The following MACROD1 variants were observed in gnomAD, a reference collection of about 807,000 sequenced individuals.
MACROD1 encodes the protein ADP-ribose glycohydrolase MACROD1.
Under a neutral mutation model 41.4 loss-of-function variants are expected in MACROD1, and 31 were observed. The observed-to-expected ratio is 0.75, with a 90% CI of 0.56 to 1.01. The LOEUF (loss-of-function observed/expected upper bound fraction) is 1.01. MACROD1 is among the 50% of genes least tolerant of loss of function. The probability of loss-of-function intolerance (pLI) is 0.00; values close to 1 mark genes in which losing one functional copy is unlikely to be tolerated. For synonymous variants in MACROD1, 252 were observed against 203.4 expected (o/e 1.24, Z -2.03); for missense variants, 473 against 460.0 (o/e 1.03, Z -0.26).
chr11:64,010,264 T>G (rs1942984543), intron 4 of MACROD1, among the ~76,000 whole-genome samples: 2 of 143,580 alleles, frequency 1.4e-5, no homozygotes, highest in Non-Finnish European at 3.0e-5. Flanking sequence ...CTGGCTGGCA[T>G]GTTGGTTGGG....
intron 3 of MACROD1, among the ~76,000 whole-genome samples, chr11:64,060,937 C>G (rs1004639482): frequency 6.6e-6 from 1 of 151,322 alleles, no homozygotes; most frequent in East Asian, 2.0e-4. Context: ...GCATGCGCAC[C>G]GCGGCGGCGG....
chr11:64,146,384 T>G lies in MACROD1; in HGVS notation c.517+4855A>C, dbSNP rs1945495808. 6.6e-6 allele frequency among the ~76,000 whole-genome samples: 1 copy of G among 152,190 alleles called. No individual in the cohort carries two copies. The highest frequency in any genetic ancestry group is 2.4e-5 in the African/African-American group (1 of 41,438). On this transcript the variant is annotated intron_variant, in intron 3 of 10. Coordinates refer to ENST00000255681, the MANE Select transcript of MACROD1 (RefSeq NM_014067.4). The surrounding 1 kb of genome is among the most constrained non-coding windows in gnomAD (Gnocchi z 4.7). ...GAAGAGGGGGCCTGCGGGGGCTCCC[T>G]GGCTTATCTCCTGCACATGGCAGCC...
In MACROD1 at chr11:64,120,420, C is replaced by T. The variant is rs1439313615; in HGVS notation, c.517+30819G>A. 6.6e-6 allele frequency among the ~76,000 whole-genome samples: 1 copy of T among 152,242 alleles called. No individual in the cohort carries two copies. Among genetic ancestry groups the T allele is most frequent in the Non-Finnish European group, 1.5e-5 (1 of 68,044 alleles). On this transcript the variant is annotated intron_variant, in intron 3 of 10. Transcript: ENST00000255681. The surrounding 1 kb of genome is among the most constrained non-coding windows in gnomAD (Gnocchi z 4.5). ...GGCAGCCCCAGGCCGGGTGCAGTGG[C>T]TCACGCCTGTAATCCCAGCACTTTG... is the stretch of plus-strand genomic sequence containing the variant.
At chr11:64,129,931 G>T (rs1024554568) in intron 3 of MACROD1, among the ~76,000 whole-genome samples, 3 of 152,244 alleles carry the variant, frequency 2.0e-5, no homozygotes, top group Middle Eastern at 6.8e-3. Context: ...GAAGAGGACC[G>T]GGTGGTTGGG....
At chr11:64,058,694 A>G (rs1943839210) in intron 3 of MACROD1, among the ~76,000 whole-genome samples, 1 of 152,202 alleles carries the variant, frequency 6.6e-6, no homozygotes, top group Non-Finnish European at 1.5e-5. Context: ...GCAACCGCTC[A>G]TTTCCTGCTC....
chr11:64,162,316 C>G (rs961092211), intron 1 of MACROD1, among the ~76,000 whole-genome samples: 1 of 151,942 alleles, frequency 6.6e-6, no homozygotes. Flanking sequence ...TGCACTCCAG[C>G]GTGGGCAACA....
intron 3 of MACROD1, among the ~76,000 whole-genome samples, chr11:64,115,753 G>A (rs1429726394): frequency 1.3e-5 from 2 of 152,130 alleles, no homozygotes; most frequent in African/African-American, 2.4e-5. Flanking sequence ...CGTGCTCCTC[G>A]TGCAGTGCCA....
At chr11:64,051,502 G>A (rs1590841351) in intron 3 of MACROD1, among the ~76,000 whole-genome samples, 2 of 152,268 alleles carry the variant, frequency 1.3e-5, no homozygotes, top group South Asian at 4.1e-4. Flanking sequence ...CGGAAGCCTC[G>A]CTCCTGGCTC....
At chr11:64,103,838 C>T (rs565432359) in intron 3 of MACROD1, 3 of 152,400 alleles carry the variant, frequency 2.0e-5, no homozygotes, top group South Asian at 2.1e-4. Flanking sequence ...CCCTTGCACA[C>T]AGGACCCTCA....
chr11:64,000,783 G>C (rs1459588366), intron 4 of MACROD1, among the ~76,000 whole-genome samples: 1 of 152,146 alleles, frequency 6.6e-6, no homozygotes, highest in African/African-American at 2.4e-5. Flanking sequence ...GCCTCCGCCC[G>C]GGCCTCAGCG....
At chr11:64,049,830 G>A (rs1205619886) in intron 3 of MACROD1, among the ~76,000 whole-genome samples, 1 of 152,174 alleles carries the variant, frequency 6.6e-6, no homozygotes. Flanking sequence ...CTGCTTGCTA[G>A]GGCTGGGGCC....
intron 3 of MACROD1, among the ~76,000 whole-genome samples, chr11:64,091,569 G>A (rs1017424665): frequency 1.3e-5 from 2 of 152,130 alleles, no homozygotes; most frequent in African/African-American, 4.8e-5. Context: ...AGTCCTTCGG[G>A]CGTTTGCACA....
Position 64,082,333 on chromosome 11 carries a change from G to T in MACROD1, c.518-67052C>A, listed in dbSNP as rs1211928117. 2.6e-5 allele frequency among the ~76,000 whole-genome samples: 4 copies of T among 152,082 alleles called. No homozygotes were observed. The highest frequency in any genetic ancestry group is 5.9e-5 in the Non-Finnish European group (4 of 67,992). On this transcript the variant is annotated intron_variant, in intron 3 of 10. Coordinates refer to ENST00000255681, the MANE Select transcript of MACROD1 (RefSeq NM_014067.4). The surrounding 1 kb of genome is among the most constrained non-coding windows in gnomAD (Gnocchi z 4.5). ...GAGACGCTGGGTGGAGGATGATCCGGGGGGACCGTGGAAGGCAGGACGGGG... is the reference window on the plus strand; with the variant it reads ...GAGACGCTGGGTGGAGGATGATCCGTGGGGACCGTGGAAGGCAGGACGGGG...
intron 3 of MACROD1, among the ~76,000 whole-genome samples, chr11:64,147,383 TTTTC>T (rs750847342): frequency 6.7e-6 from 1 of 148,220 alleles, no homozygotes. Flanking sequence ...CAGAGTCTGA[TTTTC>T]TTTCTTTCTT....
chr11:64,136,911 CG>C (rs1945341142), intron 3 of MACROD1, among the ~76,000 whole-genome samples: 1 of 152,124 alleles, frequency 6.6e-6, no homozygotes, highest in African/African-American at 2.4e-5. Flanking sequence ...TGCCAGCCCC[CG>C]GGAGCAGCGG....
At chr11:64,065,289 C>T (rs887083215) in intron 3 of MACROD1, among the ~76,000 whole-genome samples, 20 of 152,086 alleles carry the variant, frequency 1.3e-4, no homozygotes, top group African/African-American at 4.6e-4. Context: ...GGGCAGGTGG[C>T]GGGCAAGCGT....
chr11:64,043,814 C>CTT (rs113497225), intron 3 of MACROD1, among the ~76,000 whole-genome samples: 95 of 144,554 alleles, frequency 6.6e-4, no homozygotes, highest in African/African-American at 1.5e-3. Flanking sequence ...GACATGGCAT[C>CTT]TTTTTTTTTT....
intron 3 of MACROD1, among the ~76,000 whole-genome samples, chr11:64,147,251 T>G (rs4559692): frequency 6.6e-6 from 1 of 151,856 alleles, no homozygotes; most frequent in African/African-American, 2.4e-5. Context: ...ATTTTTTTTT[T>G]GGTAGAGATA....
At chr11:64,135,612 G>C (rs1399319614) in intron 3 of MACROD1, among the ~76,000 whole-genome samples, 1 of 152,232 alleles carries the variant, frequency 6.6e-6, no homozygotes, top group African/African-American at 2.4e-5. Context: ...ATAACATTTA[G>C]GGAGGAGGAA....
Sources: allele counts gnomAD v4.1 joint callset (sites outside exome capture counted in the v4.1 genomes callset), GRCh38; gene constraint gnomAD v4.1.1; non-coding constraint Gnocchi (gnomAD v3.1); transcripts MANE v1.5; gene names NCBI Gene and HGNC (gene_info 2026-07-23, HGNC 2026-07-21).